The following KLK14 variants were observed in gnomAD, a reference collection of about 807,000 sequenced individuals.
KLK14 encodes kallikrein related peptidase 14.
KLK14 carries 21 observed loss-of-function variants against 24.6 expected under a neutral mutation model. The observed-to-expected ratio is 0.85, with a 90% CI of 0.61 to 1.23. The LOEUF (loss-of-function observed/expected upper bound fraction) is 1.23. KLK14 is among the 50% of genes most tolerant of loss of function. The pLI is 0.00. For missense variants in KLK14, 320 were observed against 338.9 expected (o/e 0.94, Z 0.44); for synonymous variants, 133 against 139.7 (o/e 0.95, Z 0.34).
upstream of KLK14, among the ~76,000 whole-genome samples, chr19:51,083,412 GA>G: frequency 6.6e-6 from 1 of 150,450 alleles, no homozygotes; most frequent in South Asian, 2.2e-4. Context: ...TGGAGAGAGA[GA>G]CAGAGAGAGA....
upstream of KLK14, chr19:51,082,942 C>T (rs1310188544): frequency 4.7e-6 from 3 of 642,190 alleles, no homozygotes; most frequent in African/African-American, 3.7e-5. Flanking sequence ...CTGGCCCTGC[C>T]CCCACCTCCC....
rs769468261 is a variant in KLK14, at chr19:51,082,565, G to A, written c.40+10C>T. 92 of 1,613,420 alleles carry A rather than the reference G, an allele frequency of 5.7e-5. No homozygotes were observed. In the East Asian group the frequency reaches 1.0e-3, roughly 18 times the overall value. ...GGACCCCCTTGTGTCATACCCAACC[G>A]TTCTCTTACCTATAGCCAGGACTTG... On this transcript the variant is annotated intron_variant, in intron 2 of 5. Transcript: ENST00000650543.
downstream of KLK14, among the ~76,000 whole-genome samples, chr19:51,077,687 T>C (rs1599795293): frequency 2.8e-5 from 3 of 108,066 alleles, no homozygotes; most frequent in South Asian, 7.0e-4. Context: ...CCTGGATTCC[T>C]GGGTCTGAGG....
In KLK14 at chr19:51,079,750, A is replaced by T. The variant is rs1162124479; in HGVS notation, c.213-48T>A. On this transcript the variant is annotated intron_variant, in intron 3 of 5. Coordinates refer to ENST00000650543, the MANE Select transcript of KLK14 (RefSeq NM_001369775.2). Reference sequence around the variant, plus strand: ...GCGCTGCTCAGGGTCTGAGCCAGAGACTCCTCCCCACCCTCCAGCCCGGTT... The same window carrying T: ...GCGCTGCTCAGGGTCTGAGCCAGAGTCTCCTCCCCACCCTCCAGCCCGGTT... The T allele has an allele frequency of 3.6e-5, 55 of 1,509,026 alleles. 1 individual carries two copies. The highest frequency in any genetic ancestry group is 4.7e-5 in the Non-Finnish European group (53 of 1,129,344). The allele number at this position is 1,509,026 out of a possible 1,614,324, so 93.5% of individuals were successfully genotyped here.
intron 3 of KLK14, 33 bp downstream of exon 3, chr19:51,081,499 C>G (rs186402514): frequency 6.9e-7 from 1 of 1,441,770 alleles, no homozygotes; most frequent in South Asian, 1.5e-5. Context: ...CTGGAATTCA[C>G]TAGGTACAGG....
In KLK14 at chr19:51,078,006, A is replaced by C. The variant is rs764938192; in HGVS notation, c.*1T>G. Reference sequence around the variant, plus strand: ...CGAGGTCCATCCCACCGTGAAGACCATCATTTGTCCCGCATCGTTTCCTCA... The same window carrying C: ...CGAGGTCCATCCCACCGTGAAGACCCTCATTTGTCCCGCATCGTTTCCTCA... On this transcript the variant is annotated 3_prime_UTR_variant, in exon 6 of 6. Coordinates refer to ENST00000650543, the MANE Select transcript of KLK14 (RefSeq NM_001369775.2). The surrounding 1 kb of genome is among the most constrained non-coding windows in gnomAD (Gnocchi z 5.0). 3.7e-6 allele frequency: 6 copies of C among 1,613,774 alleles called. No homozygotes were observed. The Admixed American group carries it at 8.3e-5, about 22-fold the overall frequency.
upstream of KLK14, among the ~76,000 whole-genome samples, chr19:51,083,330 A>G (rs1486796854): frequency 6.7e-6 from 1 of 149,172 alleles, no homozygotes; most frequent in East Asian, 2.0e-4. Flanking sequence ...AGATGGAGAG[A>G]GAGAAAGACA....
rs987001911 is a variant in KLK14, at chr19:51,078,314, G to A, written c.604-155C>T. Among the ~76,000 whole-genome samples the A allele has an allele frequency of 2.0e-4, 31 of 152,094 alleles. No individual in the cohort carries two copies. The highest frequency in any genetic ancestry group is 7.0e-4 in the African/African-American group (29 of 41,414). Reference sequence around the variant, plus strand: ...GCCCCAGCTCTGAGGTCTCAGCCCCGGAGGTCGGGGCACTTCCTTCCCTCT... The same window carrying A: ...GCCCCAGCTCTGAGGTCTCAGCCCCAGAGGTCGGGGCACTTCCTTCCCTCT... On this transcript the variant is annotated intron_variant, in intron 5 of 5. Coordinates refer to ENST00000650543, the MANE Select transcript of KLK14 (RefSeq NM_001369775.2). The surrounding 1 kb of genome is among the most constrained non-coding windows in gnomAD (Gnocchi z 5.0).
At chr19:51,081,831 C>T in intron 2 of KLK14, 128 bp from the exon 3 acceptor site, 2 of 822,930 alleles carry the variant, frequency 2.4e-6, no homozygotes, top group South Asian at 4.1e-5. Flanking sequence ...CCGCCTCTAT[C>T]TGTCCCACCC....
intron 4 of KLK14, 104 bp from the exon 5 acceptor site, chr19:51,079,055 A>AGACCCAGGAGCCCAGCC (rs2091821109): frequency 8.1e-7 from 1 of 1,231,480 alleles, no homozygotes; most frequent in Non-Finnish European, 1.1e-6. Context: ...CAGCCCCAGC[A>AGACCCAGGAGCCCAGCC]CCTCCTCCCT....
chr19:51,079,231 T>C (rs1295935653), intron 4 of KLK14, among the ~76,000 whole-genome samples: 27 of 72,834 alleles, frequency 3.7e-4, no homozygotes, highest in South Asian at 1.5e-3. Context: ...GAGTCCAGGC[T>C]CCAGCCCCTC....
At position 51,078,055 on chromosome 19, in the gene KLK14, G is replaced by C. The variant is rs1473729139; in HGVS notation, c.708C>G (p.Asn236Lys). Reference sequence around the variant, plus strand: ...CAATCCAGCTTCTGTACTTGCACAGGTTGGTGTAGACACCGGGGTAGCCAG... The same window carrying C: ...CAATCCAGCTTCTGTACTTGCACAGCTTGGTGTAGACACCGGGGTAGCCAG... Reference protein sequence around the residue: ...ALPGYPGVYTNLCKYRSWIEE... With the variant: ...ALPGYPGVYTKLCKYRSWIEE... Residue 236 changes from asparagine to lysine, a missense_variant, in exon 6 of 6, where the codon AAC (asparagine) becomes AAG (lysine). Coordinates refer to ENST00000650543, the MANE Select transcript of KLK14 (RefSeq NM_001369775.2). The surrounding 1 kb of genome is among the most constrained non-coding windows in gnomAD (Gnocchi z 5.0). The C allele has an allele frequency of 6.2e-7, 1 of 1,613,868 alleles. No homozygotes were observed. The highest frequency in any genetic ancestry group is 8.5e-7 in the Non-Finnish European group (1 of 1,179,910).
At chr19:51,081,801 T>G (rs1042905523) in intron 2 of KLK14, 98 bp from the exon 3 acceptor site, 6 of 1,212,310 alleles carry the variant, frequency 4.9e-6, no homozygotes, top group Non-Finnish European at 6.7e-6. Context: ...CCCTTCCTTT[T>G]GGTCTAACCC....
At chr19:51,081,004 T>G (rs1204322819) in intron 3 of KLK14, among the ~76,000 whole-genome samples, 2 of 152,258 alleles carry the variant, frequency 1.3e-5, no homozygotes, top group African/African-American at 2.4e-5. Context: ...GGTTGAAGTC[T>G]GCTCATAGCG....
rs1433920539 is a variant in KLK14 at position 51,078,533 on chromosome 19, G to A, written c.603+282C>T. Among the ~76,000 whole-genome samples the A allele has an allele frequency of 6.6e-6, 1 of 152,100 alleles. No individual in the cohort carries two copies. Among genetic ancestry groups the A allele is most frequent in the African/African-American group, 2.4e-5 (1 of 41,390 alleles). ...CTTTCCCAGACCCATATGAGCAGAG[G>A]CCACTCTGCGATCTTTCCCCAACCT... On this transcript the variant is annotated intron_variant, in intron 5 of 5. Transcript: ENST00000650543. The surrounding 1 kb of genome is among the most constrained non-coding windows in gnomAD (Gnocchi z 5.0).
At chr19:51,083,221 C>G (rs566812457), upstream of KLK14, among the ~76,000 whole-genome samples, 2 of 147,670 alleles carry the variant, frequency 1.4e-5, no homozygotes, top group Non-Finnish European at 3.0e-5. Flanking sequence ...GGAAAGGGCA[C>G]GAAGGGGCTG....
chr19:51,082,285 C>T (rs1247133477), intron 2 of KLK14, among the ~76,000 whole-genome samples: 1 of 152,158 alleles, frequency 6.6e-6, no homozygotes, highest in African/African-American at 2.4e-5. Context: ...CAGGTAGAGC[C>T]CCGTGATCTT....
chr19:51,078,075 AG>A lies in KLK14; in HGVS notation c.687del (p.Tyr230ThrfsTer?), dbSNP rs752977911. The A allele has an allele frequency of 2.5e-6, 4 of 1,612,658 alleles. No individual in the cohort carries two copies. Among genetic ancestry groups the A allele is most frequent in the Non-Finnish European group, 3.4e-6 (4 of 1,179,428 alleles). The part of the protein sequence containing the change: ...SWGMERCALP[G>X]YPGVYTNLCK... ...CACAGGTTGGTGTAGACACCGGGGTAGCCAGGCAGGGCGCAGCGCTCCATTC... is the reference window on the plus strand; with the variant it reads ...CACAGGTTGGTGTAGACACCGGGGTACCAGGCAGGGCGCAGCGCTCCATTC... On this transcript the variant is annotated frameshift_variant, in exon 6 of 6. Coordinates refer to ENST00000650543, the MANE Select transcript of KLK14 (RefSeq NM_001369775.2). LOFTEE classifies it low-confidence loss of function (END_TRUNC). This position sits in a 1 kb window ranked among gnomAD's most constrained non-coding sequence, Gnocchi z 5.0.
At chr19:51,081,866 C>A (rs2091841886) in intron 2 of KLK14, among the ~76,000 whole-genome samples, 163 bp from the exon 3 acceptor site, 1 of 152,128 alleles carries the variant, frequency 6.6e-6, no homozygotes, top group African/African-American at 2.4e-5. Flanking sequence ...CCAATATTGA[C>A]CCCGTTATTG....
Sources: gnomAD v4.1 joint callset for allele counts (sites outside exome capture counted in the v4.1 genomes callset) on GRCh38, gnomAD v4.1.1 for gene constraint, Gnocchi (gnomAD v3.1) non-coding constraint, MANE v1.5 for transcripts, NCBI Gene and HGNC (gene_info 2026-07-23, HGNC 2026-07-21) for gene names.